Variants in ADK observed in about 807,000 individuals in gnomAD.
ADK encodes the protein adenosine kinase, also known as N6,N6-dimethyladenosine kinase.
Under a neutral mutation model 44.7 loss-of-function variants are expected in ADK, and 24 were observed. The observed-to-expected ratio is 0.54, with a 90% CI of 0.39 to 0.76. The LOEUF is 0.76. ADK is among the 30% of genes least tolerant of loss of function. The pLI, the probability that ADK is intolerant of heterozygous loss-of-function variation, is 0.00. For missense variants in ADK, 321 were observed against 425.1 expected, an observed-to-expected ratio of 0.76 and a Z score of 2.15; for synonymous variants, 128 against 142.6, an observed-to-expected ratio of 0.90 and a Z score of 0.73.
At chr10:74,645,578 G>T (rs776622495) in intron 9 of ADK, among the ~76,000 whole-genome samples, 9 of 152,140 alleles carry the variant, frequency 5.9e-5, no homozygotes, top group Admixed American at 1.3e-4. Flanking sequence ...ACCCCTGAAT[G>T]ATTTCTGCTT....
At position 74,362,437 on chromosome 10, in the gene ADK, C is replaced by A. The variant is rs1592102021; in HGVS notation, c.274-31704C>A. On this transcript the variant is annotated intron_variant, in intron 4 of 10. Coordinates refer to ENST00000539909, the MANE Select transcript of ADK (RefSeq NM_006721.4). ...TTATTTGAGTCTCTTATATTTCTTT[C>A]ATAATTTTCTGAATTGATTCTTCAT... Among the ~76,000 whole-genome samples, 3 of 151,726 alleles carry A rather than the reference C, an allele frequency of 2.0e-5. No homozygotes were observed. The East Asian group carries it at 5.8e-4, about 29-fold the overall frequency.
intron 6 of ADK, among the ~76,000 whole-genome samples, chr10:74,439,630 C>T (rs903712242): frequency 6.6e-6 from 1 of 152,082 alleles, no homozygotes; most frequent in Non-Finnish European, 1.5e-5. Flanking sequence ...TCTGTCTTGG[C>T]TTCCAAAAGA....
At chr10:74,428,080 T>C (rs1306392625) in intron 6 of ADK, among the ~76,000 whole-genome samples, 1 of 152,180 alleles carries the variant, frequency 6.6e-6, no homozygotes, top group Non-Finnish European at 1.5e-5. Context: ...GCCTTCATTG[T>C]CATATGACAT....
At chr10:74,389,938 ACT>A (rs1467133576) in intron 4 of ADK, among the ~76,000 whole-genome samples, 3 of 151,992 alleles carry the variant, frequency 2.0e-5, no homozygotes, top group African/African-American at 7.2e-5. Context: ...GAACATGTAG[ACT>A]CTCTGATTAT....
intron 9 of ADK, among the ~76,000 whole-genome samples, chr10:74,668,032 T>A (rs953655818): frequency 2.6e-5 from 4 of 152,214 alleles, no homozygotes; most frequent in Non-Finnish European, 4.4e-5. Context: ...GATTAATTCT[T>A]ATATTACCTA....
At position 74,224,564 on chromosome 10, in the gene ADK, T is replaced by C; in HGVS notation, c.167T>C (p.Ile56Thr). Residue 56 changes from isoleucine to threonine, a missense_variant, in exon 3 of 11, where the codon ATC (isoleucine) becomes ACC (threonine). Physicochemically the swap from Ile to Thr is moderately conservative, Grantham distance 89. Transcript: ENST00000539909. ...TATTCTCTGAAACCAAATGACCAAA[T>C]CTTGGCTGAAGACAAACACAAGGAA... ...DKYSLKPNDQ[I>T]LAEDKHKELF... 1.9e-6 allele frequency: 3 copies of C among 1,613,776 alleles called. No homozygotes were observed. The highest frequency in any genetic ancestry group is 2.2e-5 in the South Asian group (2 of 91,068).
intron 6 of ADK, among the ~76,000 whole-genome samples, chr10:74,454,217 G>A (rs150232687): frequency 5.7e-4 from 86 of 152,064 alleles, no homozygotes; most frequent in African/African-American, 1.9e-3. Context: ...TTTGTTGGTG[G>A]CATACTTTGT....
intron 10 of ADK, among the ~76,000 whole-genome samples, chr10:74,703,523 A>G (rs1308494204): frequency 1.3e-5 from 2 of 152,150 alleles, no homozygotes; most frequent in Non-Finnish European, 2.9e-5. Context: ...GAGGTGAGGT[A>G]AGTTATGACT....
At chr10:74,290,306 C>T (rs1462015209) in intron 3 of ADK, among the ~76,000 whole-genome samples, 1 of 151,962 alleles carries the variant, frequency 6.6e-6, no homozygotes, top group African/African-American at 2.4e-5. Flanking sequence ...TCTTATTGCT[C>T]ATTTGGAAAA....
At chr10:74,326,790 G>T (rs1464138064) in intron 4 of ADK, among the ~76,000 whole-genome samples, 1 of 151,874 alleles carries the variant, frequency 6.6e-6, no homozygotes, top group African/African-American at 2.4e-5. Flanking sequence ...TATATATTCA[G>T]AAACTTATTT....
Position 74,364,687 on chromosome 10 carries a change from G to GGTGTGTGT in ADK, c.274-29407_274-29400dup, listed in dbSNP as rs58295310. Among the ~76,000 whole-genome samples, 184 of 136,454 alleles carry GGTGTGTGT rather than the reference G, an allele frequency of 1.3e-3. 1 individual carries two copies. Among genetic ancestry groups the GGTGTGTGT allele is most frequent in the East Asian group, 4.9e-3 (22 of 4,498 alleles). 89.5% of individuals were successfully genotyped at this position (136,454 alleles called of 152,430 possible). ...TCCTTTATCTTTAGGCAAAGGCTAT[G>GGTGTGTGT]GTGTGTGTGTGTGTGTGTGTGTGTG... is the stretch of plus-strand genomic sequence containing the variant. On this transcript the variant is annotated intron_variant, in intron 4 of 10. Transcript: ENST00000539909.
At chr10:74,284,267 T>G in intron 3 of ADK, among the ~76,000 whole-genome samples, 1 of 17,640 alleles carries the variant, frequency 5.7e-5, no homozygotes, top group South Asian at 9.9e-4. Flanking sequence ...GCAAATTCTA[T>G]TTTTTTTTTT....
rs576406765 is a variant in ADK, at chr10:74,572,735, C to T, written c.727-16547C>T. 5.3e-3 allele frequency among the ~76,000 whole-genome samples: 803 copies of T among 152,232 alleles called. 7 individuals carry two copies. The highest frequency in any genetic ancestry group is 0.018 in the African/African-American group (761 of 41,542). On this transcript the variant is annotated intron_variant, in intron 7 of 10. Transcript: ENST00000539909. ...TCTTTTTTCTCTAAACTTCCCTTCT[C>T]GCTTCATTTCATTCATTTCATCTTC... is the stretch of plus-strand genomic sequence containing the variant.
chr10:74,472,264 T>C (rs1432913648), intron 6 of ADK, among the ~76,000 whole-genome samples: 1 of 152,214 alleles, frequency 6.6e-6, no homozygotes, highest in Non-Finnish European at 1.5e-5. Context: ...GAAAGCTTTC[T>C]GTTTTTTACC....
intron 9 of ADK, among the ~76,000 whole-genome samples, chr10:74,631,889 A>G (rs1853437476): frequency 6.6e-6 from 1 of 151,942 alleles, no homozygotes; most frequent in Non-Finnish European, 1.5e-5. Context: ...CCCTGTTCCC[A>G]CCTACCTCTT....
intron 6 of ADK, among the ~76,000 whole-genome samples, chr10:74,513,953 A>G (rs1848456496): frequency 6.6e-6 from 1 of 152,016 alleles, no homozygotes; most frequent in Admixed American, 6.5e-5. Flanking sequence ...ATTGTTTTTC[A>G]TTTCCACATG....
intron 3 of ADK, among the ~76,000 whole-genome samples, chr10:74,253,400 C>T (rs1396242337): frequency 6.6e-6 from 1 of 152,142 alleles, no homozygotes; most frequent in Non-Finnish European, 1.5e-5. Flanking sequence ...TGGGTGTTCT[C>T]ATAGCAGTGT....
At chr10:74,569,434 A>T (rs1489074858) in intron 7 of ADK, among the ~76,000 whole-genome samples, 1 of 152,208 alleles carries the variant, frequency 6.6e-6, no homozygotes, top group Non-Finnish European at 1.5e-5. Flanking sequence ...CCTCTCCAGC[A>T]CCTGCTGTTT....
At chr10:74,433,205 A>G (rs954641408) in intron 6 of ADK, among the ~76,000 whole-genome samples, 5 of 152,216 alleles carry the variant, frequency 3.3e-5, no homozygotes, top group African/African-American at 9.6e-5. Flanking sequence ...AGAAATTTAC[A>G]TACACACCAG....
Sources: gnomAD v4.1 joint callset for allele counts (sites outside exome capture counted in the v4.1 genomes callset) on GRCh38, gnomAD v4.1.1 for gene constraint, MANE v1.5 for transcripts, NCBI Gene and HGNC (gene_info 2026-07-23, HGNC 2026-07-21) for gene names.